The following NEDD4 variants were observed in gnomAD, a reference collection of about 807,000 sequenced individuals.
NEDD4 encodes E3 ubiquitin-protein ligase NEDD4.
A neutral mutation model predicts 144.9 loss-of-function variants in NEDD4; 99 were observed. That is an observed-to-expected ratio of 0.68 (90% CI 0.58 to 0.81). The LOEUF is 0.81. Ranked by LOEUF, NEDD4 falls within the 30% of genes least tolerant of loss-of-function variation. The probability of loss-of-function intolerance (pLI) is 0.00; values close to 1 mark genes in which losing one functional copy is unlikely to be tolerated. For synonymous variants in NEDD4, 318 were observed against 350.6 expected (o/e 0.91, Z 1.04); for missense variants, 985 against 1,065.9 (o/e 0.92, Z 1.06).
intron 11 of NEDD4, 47 bp from the exon 12 acceptor site, chr15:55,856,243 T>C (rs2034190398): frequency 1.3e-6 from 2 of 1,563,842 alleles, no homozygotes; most frequent in Non-Finnish European, 1.8e-6. Context: ...TATTTGTGAT[T>C]TGCCTTTGAG....
intron 5 of NEDD4, among the ~76,000 whole-genome samples, chr15:55,902,875 C>G (rs1430812329): frequency 6.6e-6 from 1 of 152,108 alleles, no homozygotes; most frequent in Non-Finnish European, 1.5e-5. Context: ...GTGGCAGGTG[C>G]CTGTAATCGC....
chr15:55,946,481 A>G (rs1221697197), intron 4 of NEDD4, among the ~76,000 whole-genome samples: 1 of 152,232 alleles, frequency 6.6e-6, no homozygotes, highest in Non-Finnish European at 1.5e-5. Context: ...TATGCACCCA[A>G]TACAGAAGCA....
At chr15:55,904,664 T>G (rs943858244) in intron 5 of NEDD4, among the ~76,000 whole-genome samples, 3 of 152,214 alleles carry the variant, frequency 2.0e-5, no homozygotes, top group African/African-American at 7.2e-5. Flanking sequence ...TATGCATATT[T>G]GCACTTCAAT....
intron 5 of NEDD4, among the ~76,000 whole-genome samples, chr15:55,896,666 G>C (rs2035748147): frequency 6.6e-6 from 1 of 152,138 alleles, no homozygotes; most frequent in Non-Finnish European, 1.5e-5. Context: ...CAGGCTCCAG[G>C]TTAAGTTCAG....
intron 2 of NEDD4, among the ~76,000 whole-genome samples, chr15:55,964,228 A>G (rs1374958819): frequency 6.6e-6 from 1 of 152,092 alleles, no homozygotes; most frequent in African/African-American, 2.4e-5. Context: ...AGACTGTAAG[A>G]TATTATATAA....
chr15:55,952,328 C>T (rs981051675), intron 2 of NEDD4, among the ~76,000 whole-genome samples: 3 of 151,712 alleles, frequency 2.0e-5, no homozygotes, highest in Non-Finnish European at 2.9e-5. Context: ...AGCAAGACTC[C>T]GTCTCAAAAA....
At chr15:55,922,131 T>G (rs1311898138) in intron 5 of NEDD4, among the ~76,000 whole-genome samples, 3 of 152,178 alleles carry the variant, frequency 2.0e-5, no homozygotes, top group Non-Finnish European at 4.4e-5. Flanking sequence ...GACATAAAAA[T>G]GTTTATCAAT....
At position 55,828,209 on chromosome 15, in the gene NEDD4, T is replaced by G. The variant is rs1333666903; in HGVS notation, c.*1688A>C. ...TGTCACATTTCAGATTTCTATCAGG[T>G]GCTAATGAGTACTCATCATGTTATA... On this transcript the variant is annotated 3_prime_UTR_variant, in exon 29 of 29. Transcript: ENST00000435532. 6.6e-6 allele frequency: 1 copy of G among 152,140 alleles called. No homozygotes were observed. Among genetic ancestry groups the G allele is most frequent in the African/African-American group, 2.4e-5 (1 of 41,438 alleles). 9.4% of individuals were successfully genotyped at this position (152,140 alleles called of 1,614,324 possible).
intron 2 of NEDD4, among the ~76,000 whole-genome samples, chr15:55,965,653 G>GATATGTAT (rs144336652): frequency 3.3e-5 from 5 of 150,076 alleles, no homozygotes; most frequent in Non-Finnish European, 1.5e-5. Context: ...AATACTATTT[G>GATATGTAT]GTATGTATGT....
chr15:55,983,099 G>A (rs1488874423), intron 1 of NEDD4, among the ~76,000 whole-genome samples: 1 of 151,982 alleles, frequency 6.6e-6, no homozygotes, highest in East Asian at 1.9e-4. Flanking sequence ...TTCAGCCTGG[G>A]CAACAAGAGT....
intron 1 of NEDD4, among the ~76,000 whole-genome samples, chr15:55,977,821 C>G (rs2037731898): frequency 6.6e-6 from 1 of 151,862 alleles, no homozygotes; most frequent in Admixed American, 6.6e-5. Flanking sequence ...TCCATGGGCC[C>G]TGATGGTCAA....
At chr15:55,912,120 T>C (rs940056090) in intron 5 of NEDD4, among the ~76,000 whole-genome samples, 3 of 152,236 alleles carry the variant, frequency 2.0e-5, no homozygotes, top group Non-Finnish European at 4.4e-5. Flanking sequence ...TCATTAACAT[T>C]GTGGCATCAC....
In NEDD4 at chr15:55,841,938, C is replaced by G; in HGVS notation, c.1834G>C (p.Ala612Pro). ...AATCATTGTAAAGGTACTTACGTAG[C>G]AGAATATTCAAACAACCCATAATAA... The part of the protein sequence containing the change: ...NPYYGLFEYS[A>P]TDNYTLQINP... The change falls in exon 19 of 29, where the codon GCT becomes CCT. Residue 612 changes from alanine to proline, a missense_variant. Physicochemically the swap from Ala to Pro is conservative, Grantham distance 27. Transcript: ENST00000435532. The G allele has an allele frequency of 3.1e-6, 5 of 1,610,292 alleles. No individual in the cohort carries two copies. Among genetic ancestry groups the G allele is most frequent in the Non-Finnish European group, 4.2e-6 (5 of 1,176,486 alleles).
At chr15:55,853,184 A>G (rs1200437088) in intron 12 of NEDD4, among the ~76,000 whole-genome samples, 1 of 152,254 alleles carries the variant, frequency 6.6e-6, no homozygotes, top group African/African-American at 2.4e-5. Context: ...TGGGTAAATT[A>G]TACATTTTAG....
chr15:55,845,910 G>A lies in NEDD4; in HGVS notation c.1608+1059C>T, dbSNP rs541826499. ...AAGCGGTTCTCCTGCCTCAGCCTCC[G>A]GAGTAGCCGGGATTAAAGGTGTGCG... On this transcript the variant is annotated intron_variant, in intron 18 of 28. Coordinates refer to ENST00000435532, the MANE Select transcript of NEDD4 (RefSeq NM_006154.4). Among the ~76,000 whole-genome samples the A allele has an allele frequency of 4.6e-5, 7 of 150,666 alleles. No homozygotes were observed. In the South Asian group the frequency reaches 1.0e-3, roughly 23 times the overall value.
intron 1 of NEDD4, among the ~76,000 whole-genome samples, chr15:55,967,370 A>G (rs66571152): frequency 0.13 from 20,404 of 152,048 alleles, 1,491 homozygotes; most frequent in East Asian, 0.32. Flanking sequence ...AGTGCTTAGG[A>G]ATAAAGTATC....
intron 5 of NEDD4, among the ~76,000 whole-genome samples, chr15:55,881,612 G>T (rs1201002521): frequency 6.6e-6 from 1 of 151,908 alleles, no homozygotes; most frequent in Admixed American, 6.6e-5. Context: ...AGTTAACTTA[G>T]GTTTAGGCTT....
intron 4 of NEDD4, among the ~76,000 whole-genome samples, chr15:55,944,162 G>A (rs531311686): frequency 2.3e-4 from 35 of 152,334 alleles, no homozygotes; most frequent in Admixed American, 1.8e-3. Context: ...CCCACAGAGG[G>A]CAAGCCGAAG....
chr15:55,884,432 C>T (rs2035314336), intron 5 of NEDD4, among the ~76,000 whole-genome samples: 1 of 152,064 alleles, frequency 6.6e-6, no homozygotes, highest in African/African-American at 2.4e-5. Flanking sequence ...GAAAATATGA[C>T]CTCACAGAAT....
Sources: gnomAD v4.1 joint callset for allele counts (sites outside exome capture counted in the v4.1 genomes callset) on GRCh38, gnomAD v4.1.1 for gene constraint, MANE v1.5 for transcripts, NCBI Gene and HGNC (gene_info 2026-07-23, HGNC 2026-07-21) for gene names.